Variants in LARGE2 observed in about 807,000 individuals in gnomAD.
LARGE2 encodes the protein xylosyl- and glucuronyltransferase LARGE2.
In LARGE2, 63 loss-of-function variants were observed where a neutral mutation model predicts 75.3. The observed-to-expected ratio is 0.84, with a 90% CI of 0.68 to 1.03. LARGE2 has a LOEUF of 1.03. Among genes scored for constraint, LARGE2 ranks in the 50% least tolerant of loss-of-function variants. The probability of loss-of-function intolerance (pLI) is 0.00; values close to 1 mark genes in which losing one functional copy is unlikely to be tolerated. For missense variants in LARGE2, 925 were observed against 980.6 expected, an observed-to-expected ratio of 0.94 and a Z score of 0.76; for synonymous variants, 428 against 420.1, an observed-to-expected ratio of 1.02 and a Z score of -0.23.
At chr11:45,926,927 C>T (rs1480250081) in intron 10 of LARGE2, 56 bp downstream of exon 10, 2 of 1,517,904 alleles carry the variant, frequency 1.3e-6, no homozygotes, top group East Asian at 2.3e-5. Context: ...TTGGACACTT[C>T]TGAGAGGAGG....
In LARGE2 at chr11:45,926,276, T is replaced by C. The variant is rs201277259; in HGVS notation, c.937T>C (p.Cys313Arg). The change falls in exon 8 of 14, where the codon TGT becomes CGT. Residue 313 changes from cysteine to arginine, a missense_variant. Cys to Arg is a radical substitution (Grantham distance 180, BLOSUM62 -3). Around this residue, in one of 3 missense-constraint regions of LARGE2, gnomAD observed 453 missense variants for 460.2 expected, o/e 0.98. Coordinates refer to ENST00000401752, the MANE Select transcript of LARGE2 (RefSeq NM_001300721.2). ...EHPGLVQRLP[C>R]VWNVQLSDHT... ...CCCGGGGCTAGTGCAGCGTCTGCCT[T>C]GTGTCTGGAATGTGCAGCTGTCAGA... 9.5e-5 allele frequency: 154 copies of C among 1,614,064 alleles called. No homozygotes were observed. The highest frequency in any genetic ancestry group is 9.0e-5 in the Non-Finnish European group (106 of 1,180,038).
chr11:45,923,689 AGT>A lies in LARGE2; in HGVS notation c.368+135_368+136del, dbSNP rs1240258297. 3.8e-6 allele frequency: 3 copies of A among 780,742 alleles called. No homozygotes were observed. In the African/African-American group the frequency reaches 5.2e-5, roughly 13 times the overall value. The allele number at this position is 780,742 out of a possible 1,614,324, so 48.4% of individuals were successfully genotyped here. Reference sequence around the variant, plus strand: ...TGTCCCCTTCCTCCCTTAGAAGGGCAGTTGTAAGAACATCCTGCCGGGCGCGG... The same window carrying A: ...TGTCCCCTTCCTCCCTTAGAAGGGCATGTAAGAACATCCTGCCGGGCGCGG... On this transcript the variant is annotated intron_variant, in intron 3 of 13. Coordinates refer to ENST00000401752, the MANE Select transcript of LARGE2 (RefSeq NM_001300721.2).
At chr11:45,922,502 A>C (rs1403964893), upstream of LARGE2, among the ~76,000 whole-genome samples, 11 of 152,028 alleles carry the variant, frequency 7.2e-5, no homozygotes, top group South Asian at 2.1e-4. Flanking sequence ...AACTCAGCCC[A>C]GAAGGGGGCT....
chr11:45,928,926 T>C lies in LARGE2; in HGVS notation c.*81T>C. The C allele has an allele frequency of 6.5e-7, 1 of 1,542,246 alleles. No individual in the cohort carries two copies. The highest frequency in any genetic ancestry group is 2.4e-5 in the East Asian group (1 of 41,204). On this transcript the variant is annotated 3_prime_UTR_variant, in exon 14 of 14. Coordinates refer to ENST00000401752, the MANE Select transcript of LARGE2 (RefSeq NM_001300721.2). ...CCCTCCGCCATCCCTGCTATTTAAA[T>C]TATTTAAGGTCTCTGGGAAGGGCTG...
intron 11 of LARGE2, 39 bp from the exon 12 acceptor site, chr11:45,927,881 C>T: frequency 6.2e-7 from 1 of 1,609,878 alleles, no homozygotes; most frequent in Non-Finnish European, 8.5e-7. Flanking sequence ...GTCCTAGATG[C>T]CCCGCTCTTC....
Position 45,926,439 on chromosome 11 carries a change from C to A in LARGE2, c.1009-3C>A. ...ATGGCCCCAACACCCTCCTGGGTCCCAGGTGATCCACTGGAACTCACCAAA... is the reference window on the plus strand; with the variant it reads ...ATGGCCCCAACACCCTCCTGGGTCCAAGGTGATCCACTGGAACTCACCAAA... On this transcript the variant is annotated splice_region_variant and splice_polypyrimidine_tract_variant and intron_variant, in intron 8 of 13. Transcript: ENST00000401752. The A allele has an allele frequency of 6.2e-7, 1 of 1,614,060 alleles. No homozygotes were observed. Among genetic ancestry groups the A allele is most frequent in the Non-Finnish European group, 8.5e-7 (1 of 1,180,016 alleles).
chr11:45,924,488 T>G lies in LARGE2; in HGVS notation c.493-18T>G. ...GGCCCCTCTCTGCCATCTCATCTCC[T>G]GCCTTTCCCCCACACAGCCCCAGGT... On this transcript the variant is annotated intron_variant, in intron 4 of 13. Transcript: ENST00000401752. 2 of 1,607,468 alleles carry G rather than the reference T, an allele frequency of 1.2e-6. No individual in the cohort carries two copies. The highest frequency in any genetic ancestry group is 1.7e-6 in the Non-Finnish European group (2 of 1,176,004).
rs759051733 is a variant in LARGE2, at chr11:45,927,342, G to T, written c.1353G>T (p.Arg451Ser). ...DRLQMLEALC[R>S]HWPGPMSLAL... is the part of the protein sequence containing the mutation. ...TGCAGATGTTGGAAGCCCTGTGCAGGCACTGGCCTGGCCCCATGAGCCTGG... is the reference window on the plus strand; with the variant it reads ...TGCAGATGTTGGAAGCCCTGTGCAGTCACTGGCCTGGCCCCATGAGCCTGG... The change falls in exon 11 of 14, where the codon AGG becomes AGT. Residue 451 changes from arginine (R) to serine (S), a missense_variant. By Grantham distance (110) the Arg-to-Ser change is moderately radical. Coordinates refer to ENST00000401752, the MANE Select transcript of LARGE2 (RefSeq NM_001300721.2). The T allele has an allele frequency of 9.3e-6, 15 of 1,613,452 alleles. No homozygotes were observed. The Admixed American group carries it at 2.2e-4, about 23-fold the overall frequency.
In LARGE2 at chr11:45,924,282, G is replaced by C; in HGVS notation, c.492+5G>C. ...TATCATGCCGACCAGCTCAAGGCAG[G>C]GGCCCAGCCCTTCCCCCCTCCCCTC... On this transcript the variant is annotated splice_donor_5th_base_variant and intron_variant, in intron 4 of 13. Coordinates refer to ENST00000401752, the MANE Select transcript of LARGE2 (RefSeq NM_001300721.2). The C allele has an allele frequency of 3.1e-6, 5 of 1,612,678 alleles. No individual in the cohort carries two copies. The highest frequency in any genetic ancestry group is 4.2e-6 in the Non-Finnish European group (5 of 1,179,960).
At chr11:45,928,453 C>T (rs1236874525) in intron 13 of LARGE2, 81 bp downstream of exon 13, 11 of 1,546,304 alleles carry the variant, frequency 7.1e-6, no homozygotes, top group Non-Finnish European at 9.7e-6. Flanking sequence ...GCATGGGGGA[C>T]CACACCACTA....
Position 45,926,149 on chromosome 11 carries a change from C to G in LARGE2, c.880C>G (p.Gln294Glu). ...CCTGCCTGCCACCTCACTGGCTGAC[C>G]AGGTCTGAGGAAGCCTTGCCGGGTG... ...LSLPATSLAD[Q>E]DIFNAVIKEH... is the part of the protein sequence containing the mutation. Residue 294 changes from glutamine to glutamate, a missense_variant and splice_region_variant, in exon 7 of 14, where the codon CAG (glutamine) becomes GAG (glutamate). Coordinates refer to ENST00000401752, the MANE Select transcript of LARGE2 (RefSeq NM_001300721.2). The G allele has an allele frequency of 1.9e-6, 3 of 1,592,372 alleles. No homozygotes were observed. Among genetic ancestry groups the G allele is most frequent in the Non-Finnish European group, 2.6e-6 (3 of 1,169,258 alleles).
In LARGE2 at chr11:45,924,205, C is replaced by A. The variant is rs781607068; in HGVS notation, c.420C>A (p.Ile140=). 1 of 1,613,324 alleles carries A rather than the reference C, an allele frequency of 6.2e-7. No individual in the cohort carries two copies. The highest frequency in any genetic ancestry group is 1.7e-5 in the Admixed American group (1 of 59,978). ...HLVTDAVARN[I]LETLFHTWMV... is the part of the protein sequence containing the mutation. ...TGACTGACGCCGTGGCCAGAAACAT[C>A]CTGGAGACGCTCTTCCACACATGGA... The change falls in exon 4 of 14, where the codon ATC becomes ATA. Residue 140 remains isoleucine, a synonymous_variant. Coordinates refer to ENST00000401752, the MANE Select transcript of LARGE2 (RefSeq NM_001300721.2).
Position 45,923,079 on chromosome 11 carries a change from C to T in LARGE2, c.197C>T (p.Ala66Val), listed in dbSNP as rs2086985774. ...VPPDGRLRRA[A>V]ALDGDPGAGP... ...CCAGACGGGAGGCTGCGGAGAGCCG[C>T]CGCCCTCGACGGAGACCCGGGGGCC... The change falls in exon 2 of 14, where the codon GCC (alanine) becomes GTC (valine). Residue 66 changes from alanine to valine, a missense_variant. This residue lies in a region of LARGE2 where 453 missense variants were observed against 460.2 expected (regional missense o/e 0.98). Coordinates refer to ENST00000401752, the MANE Select transcript of LARGE2 (RefSeq NM_001300721.2). 7.1e-7 allele frequency: 1 copy of T among 1,412,838 alleles called. No individual in the cohort carries two copies. 87.5% of individuals were successfully genotyped at this position (1,412,838 alleles called of 1,614,324 possible). A position where few individuals can be genotyped will look rare whatever the true frequency, so the allele number is the denominator to read the frequency against.
intron 3 of LARGE2, 24 bp from the exon 4 acceptor site, chr11:45,924,130 G>T (rs1212806597): frequency 1.9e-6 from 3 of 1,605,630 alleles, no homozygotes; most frequent in African/African-American, 1.3e-5. Context: ...GGCCTCTCAG[G>T]CTTCCTCTTT....
At position 45,922,925 on chromosome 11, in the gene LARGE2, CTGT is replaced by C; in HGVS notation, c.46_48del (p.Leu22del). 7.8e-7 allele frequency: 1 copy of C among 1,281,938 alleles called. No individual in the cohort carries two copies. Among genetic ancestry groups the C allele is most frequent in the Non-Finnish European group, 9.8e-7 (1 of 1,018,616 alleles). The allele number at this position is 1,281,938 out of a possible 1,614,324, so 79.4% of individuals were successfully genotyped here. On this transcript the variant is annotated inframe_deletion, in exon 2 of 14. Coordinates refer to ENST00000401752, the MANE Select transcript of LARGE2 (RefSeq NM_001300721.2). Reference sequence around the variant, plus strand: ...CCCCCGGGCGCTGGGGGCCGCCGCGCTGTTGCTGCTGCTGCTGCTGCTCGGATT... The same window carrying C: ...CCCCCGGGCGCTGGGGGCCGCCGCGCTGCTGCTGCTGCTGCTGCTCGGATT...
At position 45,923,985 on chromosome 11, in the gene LARGE2, C is replaced by CAAAA. The variant is rs60577963; in HGVS notation, c.369-134_369-131dup. Among the ~76,000 whole-genome samples, 4 of 69,530 alleles carry CAAAA rather than the reference C, an allele frequency of 5.8e-5. 1 individual carries two copies. Among genetic ancestry groups the CAAAA allele is most frequent in the Admixed American group, 3.9e-4 (2 of 5,140 alleles). The allele number at this position is 69,530 out of a possible 152,430, so 45.6% of individuals were successfully genotyped here. A position where few individuals can be genotyped will look rare whatever the true frequency, so the allele number is the denominator to read the frequency against. ...TGGGCGACAGAGCGAGACTCCGTCT[C>CAAAA]AAAAAAAAAAAAAAAAAAAAAAAAA... On this transcript the variant is annotated intron_variant, in intron 3 of 13. Coordinates refer to ENST00000401752, the MANE Select transcript of LARGE2 (RefSeq NM_001300721.2).
upstream of LARGE2, chr11:45,921,622 A>G (rs1374287706): frequency 6.6e-6 from 1 of 152,292 alleles, no homozygotes; most frequent in African/African-American, 2.4e-5. Flanking sequence ...GCAATAAACA[A>G]GCAAACAACT....
intron 11 of LARGE2, 155 bp from the exon 12 acceptor site, chr11:45,927,765 T>C (rs1437252134): frequency 1.8e-5 from 25 of 1,427,730 alleles, no homozygotes; most frequent in Non-Finnish European, 2.1e-5. Context: ...CAGGGCCGGC[T>C]TCAACAGCAG....
chr11:45,923,091 G>A lies in LARGE2; in HGVS notation c.209G>A (p.Gly70Glu). ...CTGCGGAGAGCCGCCGCCCTCGACGGAGACCCGGGGGCCGGCCCCGGGGAC... is the reference window on the plus strand; with the variant it reads ...CTGCGGAGAGCCGCCGCCCTCGACGAAGACCCGGGGGCCGGCCCCGGGGAC... ...GRLRRAAALD[G>E]DPGAGPGDHN... is the part of the protein sequence containing the mutation. The change falls in exon 2 of 14, where the codon GGA (glycine) becomes GAA (glutamate). Residue 70 changes from glycine to glutamate, a missense_variant. Gly to Glu is a moderately conservative substitution (Grantham distance 98). This residue lies in a region of LARGE2 where 453 missense variants were observed against 460.2 expected (regional missense o/e 0.98). Coordinates refer to ENST00000401752, the MANE Select transcript of LARGE2 (RefSeq NM_001300721.2). 7.1e-7 allele frequency: 1 copy of A among 1,408,008 alleles called. No homozygotes were observed. The highest frequency in any genetic ancestry group is 9.2e-7 in the Non-Finnish European group (1 of 1,084,312). 87.2% of individuals were successfully genotyped at this position (1,408,008 alleles called of 1,614,324 possible).
Sources: allele counts gnomAD v4.1 joint callset (sites outside exome capture counted in the v4.1 genomes callset), GRCh38; gene constraint gnomAD v4.1.1; regional missense constraint gnomAD v4.1.1; transcripts MANE v1.5; gene names NCBI Gene and HGNC (gene_info 2026-07-23, HGNC 2026-07-21).